The following RBP4 variants were observed in gnomAD, a reference collection of about 807,000 sequenced individuals.
The protein encoded by RBP4 is retinol binding protein 4.
RBP4 carries 9 observed loss-of-function variants against 26.2 expected under a neutral mutation model. The observed-to-expected ratio is 0.34, with a 90% CI of 0.21 to 0.60. RBP4 has a LOEUF of 0.60. Ranked by LOEUF, RBP4 falls within the 20% of genes least tolerant of loss-of-function variation. The pLI, the probability that RBP4 is intolerant of heterozygous loss-of-function variation, is 0.80. For synonymous variants in RBP4, 114 were observed against 111.0 expected (o/e 1.03, Z -0.17); for missense variants, 244 against 271.3 (o/e 0.90, Z 0.71).
At chr10:93,592,169 G>C (rs1280562538) in intron 5 of RBP4, 57 bp from the exon 6 acceptor site, 2 of 1,442,012 alleles carry the variant, frequency 1.4e-6, no homozygotes, top group African/African-American at 1.4e-5. Context: ...TTTTTATGTA[G>C]ATAATGAACA....
chr10:93,594,266 C>G (rs1049568511), intron 4 of RBP4, among the ~76,000 whole-genome samples: 3 of 152,144 alleles, frequency 2.0e-5, no homozygotes, highest in African/African-American at 7.2e-5. Flanking sequence ...AAATCTCATT[C>G]ACTTCAATCA....
Position 93,593,874 on chromosome 10 carries a change from G to T in RBP4, c.517C>A (p.Arg173=), listed in dbSNP as rs139534453. 2 of 1,612,882 alleles carry T rather than the reference G, an allele frequency of 1.2e-6. No individual in the cohort carries two copies. The highest frequency in any genetic ancestry group is 1.9e-4 in the Middle Eastern group (1 of 5,348). Residue 173 remains arginine, a synonymous_variant, in exon 5 of 6, where the codon CGG becomes AGG. Coordinates refer to ENST00000371464, the MANE Select transcript of RBP4 (RefSeq NM_006744.4). The stretch of plus-strand genomic sequence containing the variant: ...CTGGCCAGGCACAGCTCCTCCTGCC[G>T]CTGCCTTACAATCTTCTGCGCTTCT... ...PPEAQKIVRQ[R]QEELCLARQY... is the part of the protein sequence containing the mutation.
In RBP4 at chr10:93,593,842, G is replaced by A. The variant is rs148143111; in HGVS notation, c.549C>T (p.Tyr183=). The A allele has an allele frequency of 6.2e-7, 1 of 1,612,104 alleles. No homozygotes were observed. Among genetic ancestry groups the A allele is most frequent in the Non-Finnish European group, 8.5e-7 (1 of 1,179,902 alleles). The change falls in exon 5 of 6, where the codon TAC becomes TAT. Residue 183 remains tyrosine, a synonymous_variant. Transcript: ENST00000371464. The part of the protein sequence containing the change: ...RQEELCLARQ[Y]RLIVHNGYCD... ...ACTCACCGTTGTGGACGATCAGCCT[G>A]TACTGCCTGGCCAGGCACAGCTCCT...
intron 4 of RBP4, among the ~76,000 whole-genome samples, 180 bp downstream of exon 4, chr10:93,600,213 G>A (rs966947384): frequency 6.6e-6 from 1 of 152,186 alleles, no homozygotes; most frequent in Non-Finnish European, 1.5e-5. Context: ...TGGGGAGGGG[G>A]TAGGTAGCTG....
At position 93,593,882 on chromosome 10, in the gene RBP4, A is replaced by C. The variant is rs761742578; in HGVS notation, c.509T>G (p.Val170Gly). ...GCACAGCTCCTCCTGCCGCTGCCTT[A>C]CAATCTTCTGCGCTTCTGGGGGCAG... Reference protein sequence around the residue: ...NGLPPEAQKIVRQRQEELCLA... With the variant: ...NGLPPEAQKIGRQRQEELCLA... The change falls in exon 5 of 6, where the codon GTA (valine) becomes GGA (glycine). Residue 170 changes from valine (V) to glycine (G), a missense_variant. By Grantham distance (109) the Val-to-Gly change is moderately radical. Coordinates refer to ENST00000371464, the MANE Select transcript of RBP4 (RefSeq NM_006744.4). The C allele has an allele frequency of 1.2e-6, 2 of 1,613,466 alleles. No homozygotes were observed. Among genetic ancestry groups the C allele is most frequent in the African/African-American group, 2.7e-5 (2 of 74,916 alleles).
chr10:93,599,479 G>A (rs1322027221), intron 4 of RBP4, among the ~76,000 whole-genome samples: 3 of 152,132 alleles, frequency 2.0e-5, no homozygotes, highest in Non-Finnish European at 2.9e-5. Context: ...GCAAAAGCTG[G>A]TCTGGATTAG....
At chr10:93,594,555 C>A (rs995146239) in intron 4 of RBP4, among the ~76,000 whole-genome samples, 1 of 152,180 alleles carries the variant, frequency 6.6e-6, no homozygotes, top group African/African-American at 2.4e-5. Flanking sequence ...GAGGATGCCA[C>A]GCCCATGGTC....
chr10:93,596,286 A>T (rs985865332), intron 4 of RBP4, among the ~76,000 whole-genome samples: 2 of 151,306 alleles, frequency 1.3e-5, no homozygotes, highest in Admixed American at 6.6e-5. Flanking sequence ...ACTTGGATTT[A>T]GTAAAATTGG....
intron 4 of RBP4, among the ~76,000 whole-genome samples, chr10:93,595,605 G>C (rs891952040): frequency 3.3e-5 from 5 of 152,226 alleles, no homozygotes; most frequent in African/African-American, 4.8e-5. Context: ...GGAGCAAGGG[G>C]TGATGCTCCC....
chr10:93,600,635 CA>C, intron 3 of RBP4, 31 bp downstream of exon 3: 1 of 1,612,296 alleles, frequency 6.2e-7, no homozygotes. Context: ...CCCTGGAGCG[CA>C]AAGGGCGCAG....
intron 4 of RBP4, among the ~76,000 whole-genome samples, chr10:93,594,490 G>T (rs1294731612): frequency 1.3e-5 from 2 of 152,096 alleles, no homozygotes; most frequent in Non-Finnish European, 2.9e-5. Context: ...GATCTCTATC[G>T]CTGGTTCCTA....
upstream of RBP4, chr10:93,601,376 G>C (rs1053271716): frequency 3.1e-5 from 39 of 1,249,664 alleles, no homozygotes; most frequent in Middle Eastern, 3.1e-4. Context: ...GCCCGGGCAC[G>C]GGCAGGGTCC....
intron 4 of RBP4, among the ~76,000 whole-genome samples, chr10:93,594,396 C>T (rs1388441494): frequency 2.0e-5 from 3 of 152,146 alleles, no homozygotes; most frequent in African/African-American, 7.2e-5. Flanking sequence ...ACCATCTACT[C>T]TCCAATAATA....
Position 93,592,027 on chromosome 10 carries a change from CTG to C in RBP4, c.*46_*47del. ...CTCCTAAGATAAATAGAGCTGAAGA[CTG>C]AGAGCTAATCAGAAGTTCTCAGATG... On this transcript the variant is annotated 3_prime_UTR_variant, in exon 6 of 6. Transcript: ENST00000371464. 1 of 1,496,944 alleles carries C rather than the reference CTG, an allele frequency of 6.7e-7. No individual in the cohort carries two copies. Among genetic ancestry groups the C allele is most frequent in the Non-Finnish European group, 9.3e-7 (1 of 1,073,306 alleles). 92.7% of individuals were successfully genotyped at this position (1,496,944 alleles called of 1,614,324 possible). A position where few individuals can be genotyped will look rare whatever the true frequency, so the allele number is the denominator to read the frequency against.
chr10:93,595,115 G>A (rs2058294866), intron 4 of RBP4, among the ~76,000 whole-genome samples: 1 of 152,116 alleles, frequency 6.6e-6, no homozygotes. Flanking sequence ...ACTCCAGCCT[G>A]AGTGAGAGTG....
chr10:93,593,833 G>C lies in RBP4; in HGVS notation c.558C>G (p.Ile186Met), dbSNP rs374987431. The change falls in exon 5 of 6, where the codon ATC becomes ATG. Residue 186 changes from isoleucine to methionine, a missense_variant. Ile to Met is a conservative substitution (Grantham distance 10). Transcript: ENST00000371464. ...ELCLARQYRL[I>M]VHNGYCDGRS... The stretch of plus-strand genomic sequence containing the variant: ...CTGCTCCTGACTCACCGTTGTGGAC[G>C]ATCAGCCTGTACTGCCTGGCCAGGC... The C allele has an allele frequency of 4.3e-6, 7 of 1,611,708 alleles. No homozygotes were observed. Among genetic ancestry groups the C allele is most frequent in the South Asian group, 1.1e-5 (1 of 90,982 alleles).
chr10:93,601,558 A>G, upstream of RBP4: 1 of 665,188 alleles, frequency 1.5e-6, no homozygotes. Context: ...CTCTGGCAGG[A>G]GGCTCGAGTC....
upstream of RBP4, chr10:93,601,376 G>T (rs1053271716): frequency 3.2e-6 from 4 of 1,249,664 alleles, no homozygotes; most frequent in Non-Finnish European, 4.0e-6. Flanking sequence ...GCCCGGGCAC[G>T]GGCAGGGTCC....
intron 5 of RBP4, among the ~76,000 whole-genome samples, chr10:93,592,479 G>C (rs2058273730): frequency 6.6e-6 from 1 of 152,184 alleles, no homozygotes; most frequent in Admixed American, 6.5e-5. Context: ...CACTGGTGAT[G>C]GTTTTATAAA....
Sources: gnomAD v4.1 joint callset for allele counts (sites outside exome capture counted in the v4.1 genomes callset) on GRCh38, gnomAD v4.1.1 for gene constraint, MANE v1.5 for transcripts, NCBI Gene and HGNC (gene_info 2026-07-23, HGNC 2026-07-21) for gene names.